ZC3HAV1L: variants seen among roughly 807,000 people sequenced by gnomAD.
The protein encoded by ZC3HAV1L is zinc finger CCCH-type antiviral protein 1-like.
A neutral mutation model predicts 28.2 loss-of-function variants in ZC3HAV1L; 23 were observed. That is an observed-to-expected ratio of 0.82 (90% CI 0.59 to 1.16). The LOEUF (loss-of-function observed/expected upper bound fraction) is 1.16, where lower values mean the gene tolerates loss of function less well. Ranked by LOEUF, ZC3HAV1L falls within the 50% of genes most tolerant of loss-of-function variation. The pLI is 0.00. For missense variants in ZC3HAV1L, 376 were observed against 387.7 expected (o/e 0.97, Z 0.25); for synonymous variants, 180 against 163.4 (o/e 1.10, Z -0.78).
intron 3 of ZC3HAV1L, among the ~76,000 whole-genome samples, chr7:139,028,395 C>A (rs536673019): frequency 9.6e-6 from 1 of 104,312 alleles, no homozygotes; most frequent in African/African-American, 3.6e-5. Context: ...AAAAACAAAA[C>A]CTGTTCTACC....
Position 139,028,875 on chromosome 7 carries a change from G to A in ZC3HAV1L, c.587C>T (p.Ser196Phe), listed in dbSNP as rs778114236. The A allele has an allele frequency of 1.1e-5, 17 of 1,614,072 alleles. No homozygotes were observed. Among genetic ancestry groups the A allele is most frequent in the Middle Eastern group, 1.6e-4 (1 of 6,084 alleles). ...DKCNKFHVCK[S>F]FVKGECKLQT... The stretch of plus-strand genomic sequence containing the variant: ...AAGTTTGCATTCTCCTTTCACAAAG[G>A]ATTTGCACACATGAAACTTGTTGCA... Residue 196 changes from serine (S) to phenylalanine (F), a missense_variant, in exon 3 of 5, where the codon TCC (serine) becomes TTC (phenylalanine). Coordinates refer to ENST00000275766, the MANE Select transcript of ZC3HAV1L (RefSeq NM_080660.4).
chr7:139,033,943 TA>T (rs1292755313), intron 2 of ZC3HAV1L: 3 of 985,270 alleles, frequency 3.0e-6, no homozygotes, highest in Non-Finnish European at 3.6e-6. Context: ...AACCGTGACA[TA>T]CCAGACTTGG....
At chr7:139,033,906 T>C (rs1156517678) in intron 2 of ZC3HAV1L, 14 of 985,272 alleles carry the variant, frequency 1.4e-5, no homozygotes, top group East Asian at 2.3e-4. Flanking sequence ...TTGGGCAACA[T>C]GGTTGGTTGG....
rs1486960287 is a variant in ZC3HAV1L, at chr7:139,035,878, T to G, written c.140A>C (p.Glu47Ala). 1 of 1,511,482 alleles carries G rather than the reference T, an allele frequency of 6.6e-7. No individual in the cohort carries two copies. 93.6% of individuals were successfully genotyped at this position (1,511,482 alleles called of 1,614,324 possible). ...CTCCACCTCCTGCAGCAGGAAACGC[T>G]CGGGCCCGGCGCGCTGCAGCACGTC... is the stretch of plus-strand genomic sequence containing the variant. ...LRDVLQRAGP[E>A]RFLLQEVETQ... The change falls in exon 1 of 5, where the codon GAG becomes GCG. Residue 47 changes from glutamate (E) to alanine (A), a missense_variant. Physicochemically the swap from Glu to Ala is moderately radical, Grantham distance 107. Coordinates refer to ENST00000275766, the MANE Select transcript of ZC3HAV1L (RefSeq NM_080660.4).
chr7:139,025,658 C>CA (rs1815333417), downstream of ZC3HAV1L: 1 of 151,514 alleles, frequency 6.6e-6, no homozygotes, highest in East Asian at 1.9e-4. Flanking sequence ...AATAAAAGGC[C>CA]AAATATAAAA....
chr7:139,034,761 G>T, intron 1 of ZC3HAV1L, 83 bp from the exon 2 acceptor site: 1 of 1,563,588 alleles, frequency 6.4e-7, no homozygotes, highest in Non-Finnish European at 8.7e-7. Flanking sequence ...AGCTTTCAAT[G>T]TATTTAATAC....
At chr7:139,029,605 G>A (rs1158867518) in intron 2 of ZC3HAV1L, among the ~76,000 whole-genome samples, 1 of 152,112 alleles carries the variant, frequency 6.6e-6, no homozygotes, top group South Asian at 2.1e-4. Context: ...TAGACTCAAC[G>A]TGATCTTTGT....
chr7:139,034,739 C>A, intron 1 of ZC3HAV1L, 61 bp from the exon 2 acceptor site: 1 of 1,590,946 alleles, frequency 6.3e-7, no homozygotes. Context: ...TGTCCAATTC[C>A]TTGCCTTGAG....
intron 3 of ZC3HAV1L, among the ~76,000 whole-genome samples, chr7:139,027,707 TATGGGAATATATTTATA>T (rs1301654618): frequency 6.6e-6 from 1 of 152,276 alleles, no homozygotes; most frequent in African/African-American, 2.4e-5. Flanking sequence ...ACTGAAAGAC[TATGGGAATATATTTATA>T]ATGGGAATAT....
In ZC3HAV1L at chr7:139,035,651, AC is replaced by A; in HGVS notation, c.365+1del. The A allele has an allele frequency of 7.0e-7, 1 of 1,423,072 alleles. No homozygotes were observed. Among genetic ancestry groups the A allele is most frequent in the South Asian group, 1.5e-5 (1 of 68,338 alleles). 88.2% of individuals were successfully genotyped at this position (1,423,072 alleles called of 1,614,324 possible). A position where few individuals can be genotyped will look rare whatever the true frequency, so the allele number is the denominator to read the frequency against. On this transcript the variant is annotated splice_donor_variant, in intron 1 of 4. Transcript: ENST00000275766. LOFTEE classifies it high-confidence loss of function. ...AGTCCCCGCCCGCCGCCGCCTTCTC[AC>A]CAGCAGTCCCGGTTGGGGCACTTGC...
chr7:139,033,168 C>G (rs1436752917), intron 2 of ZC3HAV1L, among the ~76,000 whole-genome samples: 1 of 150,654 alleles, frequency 6.6e-6, no homozygotes, highest in Non-Finnish European at 1.5e-5. Context: ...GAGGTACTTC[C>G]AGCCTGTGTG....
chr7:139,022,442 A>G, downstream of ZC3HAV1L: 1 of 411,730 alleles, frequency 2.4e-6, no homozygotes, highest in Non-Finnish European at 4.9e-6. Flanking sequence ...GCTACTAGGG[A>G]AGCTGAGGCA....
chr7:139,030,139 A>C (rs1815480884), intron 2 of ZC3HAV1L, among the ~76,000 whole-genome samples: 1 of 152,158 alleles, frequency 6.6e-6, no homozygotes, highest in African/African-American at 2.4e-5. Flanking sequence ...ACACGTAAAA[A>C]AACTCTTGCT....
At position 139,029,985 on chromosome 7, in the gene ZC3HAV1L, C is replaced by T. The variant is rs188781657; in HGVS notation, c.502-1025G>A. On this transcript the variant is annotated intron_variant, in intron 2 of 4. Transcript: ENST00000275766. Reference sequence around the variant, plus strand: ...CCTGAAACCACGCATCAGTCTTGGCCGCTCACACAAAGATGACATTATATG... The same window carrying T: ...CCTGAAACCACGCATCAGTCTTGGCTGCTCACACAAAGATGACATTATATG... Among the ~76,000 whole-genome samples the T allele has an allele frequency of 1.8e-4, 27 of 152,180 alleles. No homozygotes were observed. The East Asian group carries it at 4.8e-3, about 27-fold the overall frequency.
chr7:139,032,509 C>T (rs1030958824), intron 2 of ZC3HAV1L, among the ~76,000 whole-genome samples: 6 of 147,204 alleles, frequency 4.1e-5, no homozygotes, highest in Non-Finnish European at 6.0e-5. Flanking sequence ...TCATGGTGGG[C>T]GCCTGTCGGG....
At chr7:139,033,124 A>G (rs889762376) in intron 2 of ZC3HAV1L, among the ~76,000 whole-genome samples, 1 of 151,892 alleles carries the variant, frequency 6.6e-6, no homozygotes, top group African/African-American at 2.4e-5. Context: ...TGGGAGAATC[A>G]CTTGAACTCA....
At chr7:139,030,000 G>A (rs1046323746) in intron 2 of ZC3HAV1L, among the ~76,000 whole-genome samples, 2 of 152,130 alleles carry the variant, frequency 1.3e-5, no homozygotes, top group African/African-American at 4.8e-5. Flanking sequence ...ACACAAAGAT[G>A]ACATTATATG....
chr7:139,035,690 G>C lies in ZC3HAV1L; in HGVS notation c.328C>G (p.Arg110Gly), dbSNP rs1159774392. The change falls in exon 1 of 5, where the codon CGG becomes GGG. Residue 110 changes from arginine (R) to glycine (G), a missense_variant. Coordinates refer to ENST00000275766, the MANE Select transcript of ZC3HAV1L (RefSeq NM_080660.4). ...TTGGGGCACTTGCCCAGCATGTGCC[G>C]GCGGCAGAAGTGCAGCTGGTCGCAG... is the stretch of plus-strand genomic sequence containing the variant. ...QACDQLHFCR[R>G]HMLGKCPNRD... The C allele has an allele frequency of 5.4e-6, 8 of 1,477,834 alleles. No homozygotes were observed. Among genetic ancestry groups the C allele is most frequent in the Non-Finnish European group, 6.2e-6 (7 of 1,123,554 alleles). The allele number at this position is 1,477,834 out of a possible 1,614,324, so 91.5% of individuals were successfully genotyped here. A position where few individuals can be genotyped will look rare whatever the true frequency, so the allele number is the denominator to read the frequency against.
Position 139,026,400 on chromosome 7 carries a change from G to T in ZC3HAV1L, c.*144C>A. On this transcript the variant is annotated 3_prime_UTR_variant, in exon 5 of 5. Coordinates refer to ENST00000275766, the MANE Select transcript of ZC3HAV1L (RefSeq NM_080660.4). ...CACCTAGGAGCTGCAGATAGCAGCT[G>T]CCATCTTCAGCACTTGCCCTGGACT... 7.6e-7 allele frequency: 1 copy of T among 1,320,236 alleles called. No individual in the cohort carries two copies. The highest frequency in any genetic ancestry group is 2.5e-5 in the East Asian group (1 of 39,420). 81.8% of individuals were successfully genotyped at this position (1,320,236 alleles called of 1,614,324 possible).
Sources: gnomAD v4.1 joint callset for allele counts (sites outside exome capture counted in the v4.1 genomes callset) on GRCh38, gnomAD v4.1.1 for gene constraint, MANE v1.5 for transcripts, NCBI Gene and HGNC (gene_info 2026-07-23, HGNC 2026-07-21) for gene names.